GRM1: variants seen among roughly 807,000 people sequenced by gnomAD.
GRM1 encodes the protein glutamate metabotropic receptor 1.
A neutral mutation model predicts 90.9 loss-of-function variants in GRM1; 33 were observed. That is an observed-to-expected ratio of 0.36 (90% CI 0.28 to 0.49). The LOEUF is 0.49. Among genes scored for constraint, GRM1 ranks in the 20% least tolerant of loss-of-function variants. GRM1 has a pLI of 0.99. For missense variants in GRM1, 1,190 were observed against 1,534.3 expected (o/e 0.78, Z 3.75); for synonymous variants, 700 against 613.2 (o/e 1.14, Z -2.09).
chr6:146,196,463 ATTTTTTT>A (rs772811053), intron 2 of GRM1, among the ~76,000 whole-genome samples: 1 of 85,970 alleles, frequency 1.2e-5, no homozygotes, highest in Admixed American at 1.3e-4. Flanking sequence ...AATTTTTTGT[ATTTTTTT>A]TTTTTTTTTT....
At chr6:146,039,095 G>A (rs182796948) in intron 1 of GRM1, among the ~76,000 whole-genome samples, 2 of 152,088 alleles carry the variant, frequency 1.3e-5, no homozygotes, top group East Asian at 1.9e-4. Context: ...TAGTCATTGA[G>A]GAGTAGAGAT....
At chr6:146,031,712 A>G (rs1214791770) in intron 1 of GRM1, among the ~76,000 whole-genome samples, 1 of 152,142 alleles carries the variant, frequency 6.6e-6, no homozygotes. Flanking sequence ...TTAATTCCTT[A>G]TATTTTAATA....
At chr6:146,141,457 T>C (rs1776878806) in intron 1 of GRM1, among the ~76,000 whole-genome samples, 2 of 152,124 alleles carry the variant, frequency 1.3e-5, no homozygotes, top group South Asian at 4.1e-4. Flanking sequence ...TCTGATATTA[T>C]CCTGCGAAGA....
intron 4 of GRM1, among the ~76,000 whole-genome samples, chr6:146,356,365 G>A (rs1280241803): frequency 6.6e-6 from 1 of 152,126 alleles, no homozygotes; most frequent in Non-Finnish European, 1.5e-5. Flanking sequence ...GTCTAGGGAG[G>A]ACCTGCTTTC....
At chr6:146,291,385 T>C (rs1339562802) in intron 2 of GRM1, among the ~76,000 whole-genome samples, 3 of 150,690 alleles carry the variant, frequency 2.0e-5, no homozygotes, top group African/African-American at 4.8e-5. Flanking sequence ...ACAGATATAT[T>C]ATATATATAT....
At chr6:146,242,922 A>G (rs1780920407) in intron 2 of GRM1, among the ~76,000 whole-genome samples, 1 of 152,122 alleles carries the variant, frequency 6.6e-6, no homozygotes, top group Admixed American at 6.6e-5. Flanking sequence ...AGCATTCTTT[A>G]TCTATGGAGA....
At chr6:146,242,599 C>G (rs532039825) in intron 2 of GRM1, among the ~76,000 whole-genome samples, 2 of 152,240 alleles carry the variant, frequency 1.3e-5, no homozygotes, top group East Asian at 3.9e-4. Flanking sequence ...AAGCCAGTTG[C>G]ATGAAATTCC....
At chr6:146,143,739 G>A (rs1351301663) in intron 1 of GRM1, among the ~76,000 whole-genome samples, 3 of 152,144 alleles carry the variant, frequency 2.0e-5, no homozygotes, top group Non-Finnish European at 4.4e-5. Flanking sequence ...TGCTAAGCAG[G>A]TACTTACTTT....
chr6:146,188,242 G>T (rs547548652), intron 2 of GRM1, among the ~76,000 whole-genome samples: 1 of 151,806 alleles, frequency 6.6e-6, no homozygotes, highest in African/African-American at 2.4e-5. Context: ...TTATCCTACC[G>T]TTAAATCATT....
At chr6:146,172,233 T>C (rs1280007724) in intron 2 of GRM1, among the ~76,000 whole-genome samples, 1 of 152,178 alleles carries the variant, frequency 6.6e-6, no homozygotes, top group African/African-American at 2.4e-5. Flanking sequence ...CACAGCCTTC[T>C]TCCTCTATTT....
intron 3 of GRM1, among the ~76,000 whole-genome samples, chr6:146,344,490 A>C (rs940335244): frequency 2.6e-5 from 4 of 152,196 alleles, no homozygotes; most frequent in African/African-American, 9.7e-5. Flanking sequence ...TTGTTTTATC[A>C]ACAGATGTTA....
chr6:146,232,823 T>C (rs1780493942), intron 2 of GRM1, among the ~76,000 whole-genome samples: 1 of 152,114 alleles, frequency 6.6e-6, no homozygotes, highest in African/African-American at 2.4e-5. Context: ...CTCCAACATA[T>C]GAATTTTGAT....
intron 2 of GRM1, among the ~76,000 whole-genome samples, chr6:146,183,261 G>A (rs1195601194): frequency 3.3e-5 from 5 of 152,154 alleles, no homozygotes; most frequent in African/African-American, 1.2e-4. Flanking sequence ...ACATCCTGTT[G>A]ACAAGAACTT....
intron 2 of GRM1, among the ~76,000 whole-genome samples, chr6:146,221,593 C>T (rs1780065008): frequency 6.6e-6 from 1 of 152,130 alleles, no homozygotes; most frequent in Non-Finnish European, 1.5e-5. Context: ...TTCAGTCTAT[C>T]ATTGATGGGC....
At chr6:146,033,538 GTATT>G (rs1167731062) in intron 1 of GRM1, among the ~76,000 whole-genome samples, 7 of 151,882 alleles carry the variant, frequency 4.6e-5, no homozygotes, top group South Asian at 2.1e-4. Flanking sequence ...TTACTTTTAT[GTATT>G]TATTTATTTA....
At chr6:146,235,880 A>T (rs1780631041) in intron 2 of GRM1, among the ~76,000 whole-genome samples, 1 of 151,920 alleles carries the variant, frequency 6.6e-6, no homozygotes, top group East Asian at 1.9e-4. Context: ...TCATTAAATT[A>T]ATCTTCCTGT....
chr6:146,283,920 C>A (rs1241553518), intron 2 of GRM1, among the ~76,000 whole-genome samples: 4 of 152,176 alleles, frequency 2.6e-5, no homozygotes, highest in African/African-American at 9.6e-5. Flanking sequence ...CAGTTGGCTT[C>A]TCAATACTAT....
At chr6:146,275,740 AG>A (rs1403570139) in intron 2 of GRM1, among the ~76,000 whole-genome samples, 3 of 152,168 alleles carry the variant, frequency 2.0e-5, no homozygotes, top group Admixed American at 2.0e-4. Flanking sequence ...TTTCTCTTCT[AG>A]CACACTGTTC....
intron 1 of GRM1, among the ~76,000 whole-genome samples, chr6:146,075,064 A>G (rs937281100): frequency 3.3e-5 from 5 of 152,310 alleles, no homozygotes; most frequent in South Asian, 4.1e-4. Flanking sequence ...ATGTAATCAT[A>G]TATCATAAAC....
Sources: allele counts gnomAD v4.1 joint callset (sites outside exome capture counted in the v4.1 genomes callset), GRCh38; gene constraint gnomAD v4.1.1; transcripts MANE v1.5; gene names NCBI Gene and HGNC (gene_info 2026-07-23, HGNC 2026-07-21).